The following RGS21 variants were observed in gnomAD, a reference collection of about 807,000 sequenced individuals.
RGS21 encodes regulator of G-protein signalling 21.
Under a neutral mutation model 18.7 loss-of-function variants are expected in RGS21, and 19 were observed. The ratio of observed to expected loss-of-function variants is 1.01; its 90% CI spans 0.71 to 1.49. The LOEUF (loss-of-function observed/expected upper bound fraction) is 1.49, where lower values mean the gene tolerates loss of function less well. RGS21 is among the 40% of genes most tolerant of loss of function. The pLI is 0.00. For missense variants in RGS21, 194 were observed against 176.8 expected (o/e 1.10, Z -0.55); for synonymous variants, 56 against 57.8 (o/e 0.97, Z 0.14).
intron 4 of RGS21, among the ~76,000 whole-genome samples, chr1:192,356,634 G>A (rs1036237367): frequency 6.6e-6 from 1 of 151,706 alleles, no homozygotes. Flanking sequence ...ACTGAGTCTT[G>A]GGGGAAGAAA....
At chr1:192,345,802 G>A (rs1293634746) in intron 2 of RGS21, among the ~76,000 whole-genome samples, 1 of 151,920 alleles carries the variant, frequency 6.6e-6, no homozygotes, top group African/African-American at 2.4e-5. Context: ...TTAAGCATGT[G>A]TATTTTAAAT....
At chr1:192,344,808 G>T (rs1283488634) in intron 2 of RGS21, among the ~76,000 whole-genome samples, 2 of 151,960 alleles carry the variant, frequency 1.3e-5, no homozygotes, top group African/African-American at 4.8e-5. Flanking sequence ...GGTATTCCAG[G>T]CATTGCTACA....
chr1:192,337,641 G>T (rs1330491269), intron 1 of RGS21, among the ~76,000 whole-genome samples: 1 of 151,938 alleles, frequency 6.6e-6, no homozygotes, highest in Non-Finnish European at 1.5e-5. Context: ...AGGGGGAGGG[G>T]TCAATTAAGT....
chr1:192,348,605 T>C (rs539336667), intron 3 of RGS21, among the ~76,000 whole-genome samples: 1 of 152,246 alleles, frequency 6.6e-6, no homozygotes, highest in African/African-American at 2.4e-5. Flanking sequence ...CAATTATAAA[T>C]AAAACATCCT....
At chr1:192,357,444 G>C (rs1262525284) in intron 4 of RGS21, among the ~76,000 whole-genome samples, 1 of 151,892 alleles carries the variant, frequency 6.6e-6, no homozygotes, top group Non-Finnish European at 1.5e-5. Context: ...GAGAGAGAAA[G>C]AGAAAAGGAG....
intron 1 of RGS21, among the ~76,000 whole-genome samples, chr1:192,335,638 T>C (rs1403460684): frequency 6.6e-6 from 1 of 152,038 alleles, no homozygotes; most frequent in Non-Finnish European, 1.5e-5. Context: ...CAGTAGAAAA[T>C]ATGTAATCAG....
chr1:192,326,918 C>T (rs1658575810), intron 1 of RGS21, among the ~76,000 whole-genome samples: 1 of 152,084 alleles, frequency 6.6e-6, no homozygotes, highest in African/African-American at 2.4e-5. Flanking sequence ...TAAAAGAGCT[C>T]TCCAAAAAGT....
chr1:192,342,360 A>T (rs1658883282), intron 1 of RGS21, among the ~76,000 whole-genome samples: 1 of 152,074 alleles, frequency 6.6e-6, no homozygotes. Flanking sequence ...ATTAAACATC[A>T]TATTGCATAA....
intron 4 of RGS21, among the ~76,000 whole-genome samples, chr1:192,358,239 C>T (rs751462420): frequency 1.2e-4 from 18 of 152,084 alleles, no homozygotes; most frequent in Admixed American, 2.0e-4. Context: ...TTATATTTCT[C>T]TCATTTCTCT....
Position 192,343,607 on chromosome 1 carries a change from C to T in RGS21, c.11+560C>T, listed in dbSNP as rs146285629. Among the ~76,000 whole-genome samples, 312 of 152,168 alleles carry T rather than the reference C, an allele frequency of 2.1e-3. 1 individual carries two copies. Among genetic ancestry groups the T allele is most frequent in the African/African-American group, 7.2e-3 (301 of 41,530 alleles). ...GCAGTTCCCATCTGGCCTGGCTCTT[C>T]TCTGGACATATAATATGGGTACTGC... is the stretch of plus-strand genomic sequence containing the variant. On this transcript the variant is annotated intron_variant, in intron 2 of 4. Transcript: ENST00000417209.
intron 4 of RGS21, among the ~76,000 whole-genome samples, chr1:192,356,632 T>A (rs1251114998): frequency 6.6e-6 from 1 of 151,796 alleles, no homozygotes; most frequent in Non-Finnish European, 1.5e-5. Flanking sequence ...AAACTGAGTC[T>A]TGGGGGAAGA....
At chr1:192,359,312 G>C (rs560921943) in intron 4 of RGS21, among the ~76,000 whole-genome samples, 4 of 151,972 alleles carry the variant, frequency 2.6e-5, no homozygotes, top group Non-Finnish European at 4.4e-5. Context: ...CCCACACTCT[G>C]CAGTTCATAG....
intron 1 of RGS21, among the ~76,000 whole-genome samples, chr1:192,340,851 A>G (rs140701678): frequency 0.01 from 1,582 of 152,166 alleles, 33 homozygotes; most frequent in African/African-American, 0.034. Flanking sequence ...AGACTTATTC[A>G]CTACTACAAG....
At chr1:192,358,980 A>G (rs1048204653) in intron 4 of RGS21, among the ~76,000 whole-genome samples, 1 of 152,082 alleles carries the variant, frequency 6.6e-6, no homozygotes, top group African/African-American at 2.4e-5. Flanking sequence ...ATTGTTGTCA[A>G]TGTCAGTTGT....
At chr1:192,361,332 A>G (rs978343821) in intron 4 of RGS21, among the ~76,000 whole-genome samples, 16 of 152,148 alleles carry the variant, frequency 1.1e-4, no homozygotes, top group Non-Finnish European at 2.1e-4. Flanking sequence ...TGGAGAATAT[A>G]TATATGCTCT....
In RGS21 at chr1:192,329,402, A is replaced by AT. The variant is rs78737921; in HGVS notation, c.-61+12305dup. ...CAGGACTTCTGCCTACCAAAGCTACATTTTTTTTCTATTTCTGATTCTGAT... is the reference window on the plus strand; with the variant it reads ...CAGGACTTCTGCCTACCAAAGCTACATTTTTTTTTCTATTTCTGATTCTGAT... On this transcript the variant is annotated intron_variant, in intron 1 of 4. Transcript: ENST00000417209. Among the ~76,000 whole-genome samples the AT allele has an allele frequency of 5.3e-4, 80 of 151,684 alleles. No individual in the cohort carries two copies. In the East Asian group the frequency reaches 0.012, roughly 23 times the overall value.
intron 4 of RGS21, among the ~76,000 whole-genome samples, chr1:192,353,947 A>G (rs1659078895): frequency 6.6e-6 from 1 of 151,626 alleles, no homozygotes; most frequent in East Asian, 1.9e-4. Context: ...ATACGCAAGT[A>G]TAAATATGTA....
chr1:192,363,278 T>C (rs540537539), intron 4 of RGS21, among the ~76,000 whole-genome samples: 1 of 152,084 alleles, frequency 6.6e-6, no homozygotes, highest in African/African-American at 2.4e-5. Flanking sequence ...ACAACAACAA[T>C]AATAATAATA....
intron 1 of RGS21, among the ~76,000 whole-genome samples, chr1:192,337,377 G>A (rs1357805674): frequency 6.6e-6 from 1 of 151,594 alleles, no homozygotes; most frequent in African/African-American, 2.4e-5. Context: ...TTATTAAAAA[G>A]TTAATAAAAA....
Sources: gnomAD v4.1 joint callset for allele counts (sites outside exome capture counted in the v4.1 genomes callset) on GRCh38, gnomAD v4.1.1 for gene constraint, MANE v1.5 for transcripts, NCBI Gene and HGNC (gene_info 2026-07-23, HGNC 2026-07-21) for gene names.